AMPD3: variants seen among roughly 807,000 people sequenced by gnomAD.
AMPD3 encodes the protein adenosine monophosphate deaminase 3, also known as AMP deaminase 3.
AMPD3 carries 57 observed loss-of-function variants against 82.3 expected under a neutral mutation model. The observed-to-expected ratio is 0.69, with a 90% confidence interval of 0.56 to 0.86. AMPD3 has a LOEUF of 0.86. Ranked by LOEUF, AMPD3 falls within the 40% of genes least tolerant of loss-of-function variation. AMPD3 has a pLI of 0.00. For missense variants in AMPD3, 870 were observed against 1,003.8 expected (o/e 0.87, Z 1.80); for synonymous variants, 381 against 394.7 (o/e 0.97, Z 0.41).
At chr11:10,481,245 T>C (rs1591463572) in intron 3 of AMPD3, among the ~76,000 whole-genome samples, 2 of 152,026 alleles carry the variant, frequency 1.3e-5, no homozygotes, top group African/African-American at 4.8e-5. Flanking sequence ...TAATCAGAAG[T>C]GTGGGGTTGG....
At chr11:10,468,390 A>G (rs990900982) in intron 2 of AMPD3, among the ~76,000 whole-genome samples, 4 of 151,978 alleles carry the variant, frequency 2.6e-5, no homozygotes, top group Non-Finnish European at 4.4e-5. Context: ...GATAAAACAG[A>G]CTTTAAACCA....
Position 10,505,961 on chromosome 11 carries a change from AACTAGGACTTTCCTCTGTG to A in AMPD3, c.*79_*97del. The A allele has an allele frequency of 9.7e-6, 15 of 1,551,030 alleles. No individual in the cohort carries two copies. The highest frequency in any genetic ancestry group is 1.2e-5 in the Non-Finnish European group (14 of 1,128,418). ...GTGGCTAATAGTGGTCAAGATTCCG[AACTAGGACTTTCCTCTGTG>A]AAGAGGATGCCTCTGAAGAAATTTT... On this transcript the variant is annotated 3_prime_UTR_variant, in exon 15 of 15. Transcript: ENST00000396553.
chr11:10,486,402 G>A (rs184680278), intron 5 of AMPD3, among the ~76,000 whole-genome samples: 26 of 152,280 alleles, frequency 1.7e-4, no homozygotes, highest in African/African-American at 5.8e-4. Flanking sequence ...GGTTCCATGC[G>A]GCTGTGGATG....
chr11:10,484,777 C>G, intron 4 of AMPD3, 43 bp from the exon 5 acceptor site: 1 of 1,605,512 alleles, frequency 6.2e-7, no homozygotes, highest in Non-Finnish European at 8.5e-7. Flanking sequence ...TGTGTGCTCA[C>G]AAGGTCAGGG....
At position 10,465,558 on chromosome 11, in the gene AMPD3, A is replaced by T. The variant is rs192832743; in HGVS notation, c.221+3818A>T. On this transcript the variant is annotated intron_variant, in intron 2 of 14. Transcript: ENST00000396553. ...CTAGTTGGACAGCGGGTGCAGCCCA[A>T]GGAGGGTGAGCCAAAGCAAGGTGAG... is the stretch of plus-strand genomic sequence containing the variant. Among the ~76,000 whole-genome samples the T allele has an allele frequency of 2.6e-3, 389 of 152,278 alleles. 2 individuals are homozygous for T. The highest frequency in any genetic ancestry group is 8.9e-3 in the African/African-American group (369 of 41,558).
intron 5 of AMPD3, among the ~76,000 whole-genome samples, chr11:10,486,023 C>A (rs1258762770): frequency 6.6e-6 from 1 of 151,982 alleles, no homozygotes; most frequent in East Asian, 1.9e-4. Flanking sequence ...GCATAGTGAG[C>A]CCAATGTGGA....
rs764981023 is a variant in AMPD3, at chr11:10,505,849, A to C, written c.2269A>C (p.Met757Leu). ...CNELSFLSDA[M>L]KSEEITALTN ...TGAGCTCAGCTTCCTGTCTGATGCT[A>C]TGAAATCAGAAGAGATCACCGCCTT... The change falls in exon 15 of 15, where the codon ATG becomes CTG. Residue 757 changes from methionine (M) to leucine (L), a missense_variant. By Grantham distance (15) the Met-to-Leu change is conservative. Transcript: ENST00000396553. 5.0e-6 allele frequency: 8 copies of C among 1,614,204 alleles called. No individual in the cohort carries two copies. The highest frequency in any genetic ancestry group is 5.1e-6 in the Non-Finnish European group (6 of 1,180,036).
At position 10,499,884 on chromosome 11, in the gene AMPD3, G is replaced by A. The variant is rs145743603; in HGVS notation, c.1558-202G>A. 3.3e-4 allele frequency: 324 copies of A among 985,244 alleles called. No individual in the cohort carries two copies. In the African/African-American group the frequency reaches 5.3e-3, roughly 16 times the overall value. The allele number at this position is 985,244 out of a possible 1,614,324, so 61.0% of individuals were successfully genotyped here. On this transcript the variant is annotated intron_variant, in intron 10 of 14. Transcript: ENST00000396553. The stretch of plus-strand genomic sequence containing the variant: ...CCTCCAGAGTACCTATGGAAGCTCC[G>A]AAGGGGCAGACCTTGGTGTTGTACC...
rs994290384 is a variant in AMPD3, at chr11:10,501,936, T to A, written c.1842+346T>A. ...AGAATTTGGTTCCTGCCTCGTCCCT[T>A]ACTGTTGTATGACAAGCATTTTTTG... On this transcript the variant is annotated intron_variant, in intron 12 of 14. Coordinates refer to ENST00000396553, the MANE Select transcript of AMPD3 (RefSeq NM_001025389.2). The A allele has an allele frequency of 1.3e-5, 13 of 985,152 alleles. No individual in the cohort carries two copies. The African/African-American group carries it at 2.1e-4, about 16-fold the overall frequency. 61.0% of individuals were successfully genotyped at this position (985,152 alleles called of 1,614,324 possible).
In AMPD3 at chr11:10,505,993, C is replaced by G. The variant is rs937762911; in HGVS notation, c.*109C>G. ...ACTTTCCTCTGTGAAGAGGATGCCT[C>G]TGAAGAAATTTTAAACTGGTGATTT... On this transcript the variant is annotated 3_prime_UTR_variant, in exon 15 of 15. Coordinates refer to ENST00000396553, the MANE Select transcript of AMPD3 (RefSeq NM_001025389.2). 35 of 1,329,550 alleles carry G rather than the reference C, an allele frequency of 2.6e-5. No homozygotes were observed. The African/African-American group carries it at 3.2e-4, about 12-fold the overall frequency. The allele number at this position is 1,329,550 out of a possible 1,614,324, so 82.4% of individuals were successfully genotyped here.
At chr11:10,471,258 A>G (rs1382277707) in intron 2 of AMPD3, among the ~76,000 whole-genome samples, 1 of 151,696 alleles carries the variant, frequency 6.6e-6, no homozygotes, top group Admixed American at 6.6e-5. Flanking sequence ...CTGGCTAGCC[A>G]TATGCAAAAA....
chr11:10,462,504 G>T (rs572064569), intron 2 of AMPD3, among the ~76,000 whole-genome samples: 1 of 152,310 alleles, frequency 6.6e-6, no homozygotes, highest in African/African-American at 2.4e-5. Context: ...CAGCTGCAGA[G>T]ATGCCTCCCA....
In AMPD3 at chr11:10,455,297, T is replaced by C. The variant is rs764413936; in HGVS notation, c.-157T>C. 79 of 985,376 alleles carry C rather than the reference T, an allele frequency of 8.0e-5. No individual in the cohort carries two copies. Among genetic ancestry groups the C allele is most frequent in the Non-Finnish European group, 7.6e-5 (63 of 829,988 alleles). The allele number at this position is 985,376 out of a possible 1,614,324, so 61.0% of individuals were successfully genotyped here. On this transcript the variant is annotated 5_prime_UTR_variant, in exon 1 of 15. Transcript: ENST00000396553. ...AAAGGGCAGATGAAGATCAGAGCTTTGCACCCTGTGATGCCATTTTAATCA... is the reference window on the plus strand; with the variant it reads ...AAAGGGCAGATGAAGATCAGAGCTTCGCACCCTGTGATGCCATTTTAATCA...
chr11:10,493,367 GCGGCCGC>G lies in AMPD3; in HGVS notation c.960_966del (p.Ala322Ter), dbSNP rs1220512731. ...GTTCCAGGTGGACACACACATCCAT[GCGGCCGC>G]CTGCATGAACCAAAAGCATCTGCTG... On this transcript the variant is annotated frameshift_variant, in exon 7 of 15. Transcript: ENST00000396553. LOFTEE classifies it high-confidence loss of function. 6.2e-7 allele frequency: 1 copy of G among 1,614,186 alleles called. No individual in the cohort carries two copies. The highest frequency in any genetic ancestry group is 1.1e-5 in the South Asian group (1 of 91,080).
intron 4 of AMPD3, chr11:10,484,265 T>A: frequency 1.0e-6 from 1 of 985,382 alleles, no homozygotes; most frequent in Middle Eastern, 5.2e-4. Flanking sequence ...CAGATGGCTT[T>A]ATCATTGGCA....
At chr11:10,450,587 G>A (rs1238298725), upstream of AMPD3, 4 of 988,342 alleles carry the variant, frequency 4.0e-6, no homozygotes, top group Non-Finnish European at 4.8e-6. Context: ...TGGGGAGCCC[G>A]GCTGGCATCT....
At chr11:10,460,225 G>A (rs376859) in intron 1 of AMPD3, among the ~76,000 whole-genome samples, 2 of 151,058 alleles carry the variant, frequency 1.3e-5, no homozygotes, top group Non-Finnish European at 3.0e-5. Context: ...AGCCTCCCTA[G>A]CAGCTGGGAT....
Position 10,499,528 on chromosome 11 carries a change from T to G in AMPD3, c.1558-558T>G, listed in dbSNP as rs150198681. On this transcript the variant is annotated intron_variant, in intron 10 of 14. Coordinates refer to ENST00000396553, the MANE Select transcript of AMPD3 (RefSeq NM_001025389.2). ...ATCATGTCTGGCCAAACCTGGTTTCTTGAGCAACTTTCTTAATTGCTTTGG... is the reference window on the plus strand; with the variant it reads ...ATCATGTCTGGCCAAACCTGGTTTCGTGAGCAACTTTCTTAATTGCTTTGG... 3.2e-3 allele frequency among the ~76,000 whole-genome samples: 487 copies of G among 152,350 alleles called. 3 individuals are homozygous for G. Among genetic ancestry groups the G allele is most frequent in the African/African-American group, 0.011 (458 of 41,576 alleles).
chr11:10,470,301 G>A (rs1444898165), intron 2 of AMPD3, among the ~76,000 whole-genome samples: 1 of 152,136 alleles, frequency 6.6e-6, no homozygotes, highest in African/African-American at 2.4e-5. Flanking sequence ...ATTAGGTATT[G>A]ATGGAACGTA....
Sources: gnomAD v4.1 joint callset for allele counts (sites outside exome capture counted in the v4.1 genomes callset) on GRCh38, gnomAD v4.1.1 for gene constraint, MANE v1.5 for transcripts, NCBI Gene and HGNC (gene_info 2026-07-23, HGNC 2026-07-21) for gene names.